Variants in TANC2 observed in about 807,000 individuals in gnomAD.
TANC2 encodes protein TANC2.
Under a neutral mutation model 210.5 loss-of-function variants are expected in TANC2, and 26 were observed. The ratio of observed to expected loss-of-function variants is 0.12; its 90% CI spans 0.09 to 0.17. The LOEUF is 0.17. Ranked by LOEUF, TANC2 falls within the 10% of genes least tolerant of loss-of-function variation. TANC2 has a pLI of 1.00. For synonymous variants in TANC2, 931 were observed against 967.1 expected, an observed-to-expected ratio of 0.96 and a Z score of 0.69; for missense variants, 2,129 against 2,608.9, an observed-to-expected ratio of 0.82 and a Z score of 4.01.
chr17:63,427,244 C>A (rs1011843712), exon 28 of TANC2: 5 of 152,258 alleles, frequency 3.3e-5, no homozygotes, highest in African/African-American at 4.8e-5. Flanking sequence ...CAGACATGTA[C>A]AGTCTACAAT....
intron 2 of TANC2, among the ~76,000 whole-genome samples, chr17:63,072,764 C>T (rs1384052493): frequency 6.6e-6 from 1 of 151,986 alleles, no homozygotes; most frequent in Non-Finnish European, 1.5e-5. Flanking sequence ...TGTTACTGTA[C>T]TTGCTAGTTT....
chr17:63,314,979 C>T (rs1389668716), intron 10 of TANC2, among the ~76,000 whole-genome samples: 3 of 152,146 alleles, frequency 2.0e-5, no homozygotes, highest in Admixed American at 6.5e-5. Context: ...GAGCAATTTG[C>T]ATTCATCACT....
At chr17:63,306,674 G>T (rs1048013464) in intron 9 of TANC2, among the ~76,000 whole-genome samples, 3 of 152,170 alleles carry the variant, frequency 2.0e-5, no homozygotes, top group Admixed American at 6.5e-5. Context: ...AATTATGGGG[G>T]CCGGGCATGG....
At position 63,420,387 on chromosome 17, in the gene TANC2, C is replaced by T. The variant is rs1287988148; in HGVS notation, c.4657C>T (p.Arg1553Trp). The T allele has an allele frequency of 1.1e-5, 18 of 1,613,822 alleles. No individual in the cohort carries two copies. The highest frequency in any genetic ancestry group is 1.3e-5 in the Non-Finnish European group (15 of 1,179,894). ...TGGCTCTCATCAGGTTTTTGACTTC[C>T]GGTCCAGTAGTTCTGTAGGCTCTCC... Residue 1553 changes from arginine to tryptophan, a missense_variant, in exon 28 of 28, where the codon CGG (arginine) becomes TGG (tryptophan). This residue lies in a region of TANC2 where 584 missense variants were observed against 627.3 expected (regional missense o/e 0.93). Coordinates refer to ENST00000689528, the Ensembl canonical transcript of TANC2. This position sits in a 1 kb window ranked among gnomAD's most constrained non-coding sequence, Gnocchi z 4.2.
chr17:62,978,624 A>G (rs924237211), intron 1 of TANC2: 3 of 152,210 alleles, frequency 2.0e-5, no homozygotes, highest in Non-Finnish European at 4.4e-5. Flanking sequence ...GGTACCTTTT[A>G]AGAGTACCAA....
intron 3 of TANC2, among the ~76,000 whole-genome samples, chr17:63,090,510 A>G (rs965886157): frequency 6.6e-6 from 1 of 152,138 alleles, no homozygotes. Flanking sequence ...TTCCGGCTTC[A>G]TCCATGTCCC....
intron 3 of TANC2, among the ~76,000 whole-genome samples, chr17:63,075,890 G>A (rs1487746269): frequency 6.6e-6 from 1 of 152,098 alleles, no homozygotes; most frequent in African/African-American, 2.4e-5. Flanking sequence ...AGTAAAAGAT[G>A]GGATGAGTAT....
At chr17:63,147,214 A>G (rs1004968186) in intron 4 of TANC2, among the ~76,000 whole-genome samples, 3 of 151,960 alleles carry the variant, frequency 2.0e-5, no homozygotes, top group Non-Finnish European at 2.9e-5. Flanking sequence ...GTGGTGGCAC[A>G]TGACTGTGGT....
Position 63,339,777 on chromosome 17 carries a change from A to G in TANC2, c.1576-324A>G, listed in dbSNP as rs577575772. Reference sequence around the variant, plus strand: ...TGCTGAATAAATGTTAGTGATATCAATGTAAGTCTTTATTTTCAGACTTGC... The same window carrying G: ...TGCTGAATAAATGTTAGTGATATCAGTGTAAGTCTTTATTTTCAGACTTGC... On this transcript the variant is annotated intron_variant, in intron 11 of 27. Transcript: ENST00000689528. Among the ~76,000 whole-genome samples the G allele has an allele frequency of 2.6e-4, 39 of 152,304 alleles. No individual in the cohort carries two copies. In the South Asian group the frequency reaches 8.1e-3, roughly 32 times the overall value.
chr17:62,976,169 C>T (rs1007705606), intron 1 of TANC2, among the ~76,000 whole-genome samples: 6 of 152,062 alleles, frequency 3.9e-5, no homozygotes, highest in Non-Finnish European at 8.8e-5. Context: ...TGGACTATTT[C>T]TTTTGAACAC....
intron 7 of TANC2, among the ~76,000 whole-genome samples, chr17:63,215,657 ACTGGAAAAGGCATGC>A (rs1202097490): frequency 6.6e-6 from 1 of 152,230 alleles, no homozygotes; most frequent in Non-Finnish European, 1.5e-5. Flanking sequence ...ACACCAAGGT[ACTGGAAAAGGCATGC>A]CAGGAAAAGG....
At chr17:62,998,221 A>G (rs934762651) in intron 1 of TANC2, among the ~76,000 whole-genome samples, 4 of 152,204 alleles carry the variant, frequency 2.6e-5, no homozygotes, top group Admixed American at 6.5e-5. Context: ...AATAAAGAAA[A>G]ACCAATAAAG....
At chr17:63,193,286 C>A (rs2041243572) in intron 5 of TANC2, among the ~76,000 whole-genome samples, 1 of 152,128 alleles carries the variant, frequency 6.6e-6, no homozygotes, top group Non-Finnish European at 1.5e-5. Context: ...CCTTGACATA[C>A]ATTCAGTGAG....
intron 8 of TANC2, among the ~76,000 whole-genome samples, chr17:63,253,097 CT>C (rs929444984): frequency 4.1e-4 from 63 of 152,250 alleles, no homozygotes; most frequent in African/African-American, 1.5e-3. Flanking sequence ...CAAGGGTTCC[CT>C]TTTCTCCACA....
chr17:63,314,610 G>A (rs775775457), exon 10 of TANC2: 2 of 1,613,960 alleles, frequency 1.2e-6, no homozygotes, highest in South Asian at 2.2e-5. Flanking sequence ...GTGGCCCTCA[G>A]CTGCCATGGT....
chr17:63,113,916 A>G (rs1333457230), intron 4 of TANC2, among the ~76,000 whole-genome samples: 1 of 152,224 alleles, frequency 6.6e-6, no homozygotes, highest in Non-Finnish European at 1.5e-5. Context: ...TTGGTTGAAC[A>G]TCTCTGTTTT....
At chr17:63,100,013 C>G (rs1011317641) in intron 4 of TANC2, among the ~76,000 whole-genome samples, 1 of 152,014 alleles carries the variant, frequency 6.6e-6, no homozygotes, top group African/African-American at 2.4e-5. Context: ...TTGAAGAATG[C>G]TTATGTGTGA....
chr17:63,217,911 T>C (rs1598627274), intron 7 of TANC2, among the ~76,000 whole-genome samples: 1 of 152,156 alleles, frequency 6.6e-6, no homozygotes, highest in African/African-American at 2.4e-5. Context: ...GTTTCTACAT[T>C]CACGAATCAA....
chr17:63,025,103 C>T (rs963425162), intron 2 of TANC2, among the ~76,000 whole-genome samples: 10 of 152,110 alleles, frequency 6.6e-5, no homozygotes, highest in African/African-American at 2.4e-4. Flanking sequence ...AAAAATCACC[C>T]TATTAGACAT....
Sources: allele counts gnomAD v4.1 joint callset (sites outside exome capture counted in the v4.1 genomes callset), GRCh38; gene constraint gnomAD v4.1.1; regional missense constraint gnomAD v4.1.1; non-coding constraint Gnocchi (gnomAD v3.1); transcripts MANE v1.5; gene names NCBI Gene and HGNC (gene_info 2026-07-23, HGNC 2026-07-21).